Variants in HSF2BP observed in about 807,000 individuals in gnomAD.
The protein encoded by HSF2BP is heat shock factor 2-binding protein.
HSF2BP carries 35 observed loss-of-function variants against 35.0 expected under a neutral mutation model. The ratio of observed to expected loss-of-function variants is 1.00; its 90% CI spans 0.76 to 1.32. The LOEUF (loss-of-function observed/expected upper bound fraction) is 1.32, where lower values mean the gene tolerates loss of function less well. Among genes scored for constraint, HSF2BP ranks in the 40% most tolerant of loss-of-function variants. HSF2BP has a pLI of 0.00. For synonymous variants in HSF2BP, 114 were observed against 117.4 expected, an observed-to-expected ratio of 0.97 and a Z score of 0.18; for missense variants, 326 against 321.7, an observed-to-expected ratio of 1.01 and a Z score of -0.10.
intron 5 of HSF2BP, among the ~76,000 whole-genome samples, chr21:43,632,286 A>G (rs1474652137): frequency 1.8e-5 from 1 of 55,922 alleles, no homozygotes; most frequent in East Asian, 5.6e-4. Context: ...CCACACACAC[A>G]CACAGGCTCC....
At chr21:43,632,051 C>A (rs1197825541) in intron 5 of HSF2BP, among the ~76,000 whole-genome samples, 1 of 14,100 alleles carries the variant, frequency 7.1e-5, no homozygotes, top group African/African-American at 4.7e-4. Context: ...ACACACGCTC[C>A]CCCCCCACAC....
intron 7 of HSF2BP, among the ~76,000 whole-genome samples, chr21:43,605,254 C>A (rs2082118115): frequency 6.7e-6 from 1 of 150,074 alleles, no homozygotes; most frequent in East Asian, 2.0e-4. Flanking sequence ...ACACCACGCA[C>A]CCACATCACA....
rs2082909103 is a variant in HSF2BP, at chr21:43,658,291, C to G, written c.-195G>C. ...TTGGCGAGGTCCCTCTTTGGCTCTT[C>G]TGGCTTAGCCGGGGTTTTAAACTTG... On this transcript the variant is annotated 5_prime_UTR_variant, in exon 2 of 9. Coordinates refer to ENST00000291560, the MANE Select transcript of HSF2BP (RefSeq NM_007031.2). 1.6e-6 allele frequency: 1 copy of G among 608,332 alleles called. No homozygotes were observed. Among genetic ancestry groups the G allele is most frequent in the East Asian group, 3.2e-5 (1 of 31,536 alleles). 37.7% of individuals were successfully genotyped at this position (608,332 alleles called of 1,614,324 possible). A position where few individuals can be genotyped will look rare whatever the true frequency, so the allele number is the denominator to read the frequency against.
At chr21:43,500,161 C>T in the HSF2BP span, among the ~76,000 whole-genome samples, 10 of 20,136 alleles carry the variant, frequency 5.0e-4, 1 homozygote, top group African/African-American at 1.5e-3. Context: ...ACCACACACG[C>T]GCACACACAC....
intron 8 of HSF2BP, among the ~76,000 whole-genome samples, chr21:43,583,962 C>G (rs2081808356): frequency 9.8e-6 from 1 of 102,096 alleles, no homozygotes; most frequent in Non-Finnish European, 1.9e-5. Flanking sequence ...GAGATGAGGA[C>G]CTGCCGAAGG....
chr21:43,584,841 G>A (rs1035660134), intron 8 of HSF2BP, among the ~76,000 whole-genome samples: 3 of 152,240 alleles, frequency 2.0e-5, no homozygotes, highest in East Asian at 1.9e-4. Context: ...AGGTGGGACC[G>A]GGGCTTTGTC....
intron 7 of HSF2BP, among the ~76,000 whole-genome samples, chr21:43,603,274 C>T (rs974118540): frequency 5.9e-5 from 9 of 152,196 alleles, no homozygotes; most frequent in Non-Finnish European, 1.3e-4. Flanking sequence ...CAGGGCCCCC[C>T]GCAATCCCAA....
intron 8 of HSF2BP, among the ~76,000 whole-genome samples, chr21:43,591,931 C>T (rs1480742565): frequency 6.6e-6 from 1 of 152,070 alleles, no homozygotes; most frequent in African/African-American, 2.4e-5. Context: ...GCACTGTTGT[C>T]CAAGTAACCC....
chr21:43,587,629 C>T, intron 8 of HSF2BP, among the ~76,000 whole-genome samples: 1 of 137,410 alleles, frequency 7.3e-6, no homozygotes, highest in Non-Finnish European at 1.5e-5. Context: ...CACACCATTG[C>T]ACTCCAACCT....
intron 5 of HSF2BP, among the ~76,000 whole-genome samples, chr21:43,632,973 G>C (rs547590797): frequency 5.3e-5 from 8 of 152,174 alleles, no homozygotes; most frequent in Admixed American, 2.6e-4. Flanking sequence ...TATTAACCAT[G>C]AGATAATATA....
intron 3 of HSF2BP, among the ~76,000 whole-genome samples, chr21:43,649,043 A>G (rs1276456697): frequency 6.6e-6 from 1 of 152,012 alleles, no homozygotes; most frequent in East Asian, 1.9e-4. Context: ...TTTGCTCATC[A>G]TTCATTTATT....
At chr21:43,653,292 G>A (rs983537678) in intron 3 of HSF2BP, among the ~76,000 whole-genome samples, 3 of 151,234 alleles carry the variant, frequency 2.0e-5, no homozygotes, top group Admixed American at 1.3e-4. Flanking sequence ...GAGAGAGAGA[G>A]AAAGAAAGAA....
chr21:43,653,044 A>G (rs2082811709), intron 3 of HSF2BP, among the ~76,000 whole-genome samples: 1 of 152,022 alleles, frequency 6.6e-6, no homozygotes, highest in African/African-American at 2.4e-5. Context: ...CTGAGGCAAG[A>G]GAATCGCTTG....
At chr21:43,505,867 T>C in the HSF2BP span, among the ~76,000 whole-genome samples, 3 of 132,066 alleles carry the variant, frequency 2.3e-5, 1 homozygote, top group Admixed American at 1.5e-4. Flanking sequence ...GTTTCTCCAT[T>C]GGGTTGTAGG....
At chr21:43,656,207 T>C (rs2082865765) in intron 3 of HSF2BP, among the ~76,000 whole-genome samples, 1 of 152,232 alleles carries the variant, frequency 6.6e-6, no homozygotes. Context: ...GTGAACACAC[T>C]TCCAGCTATC....
chr21:43,611,385 C>T (rs369674983), intron 7 of HSF2BP, among the ~76,000 whole-genome samples: 1 of 152,308 alleles, frequency 6.6e-6, no homozygotes, highest in African/African-American at 2.4e-5. Flanking sequence ...CCTCCAGTCT[C>T]GCTTCCACTG....
Position 43,656,705 on chromosome 21 carries a change from G to A in HSF2BP, c.69C>T (p.Val23=). The change falls in exon 3 of 9, where the codon GTC becomes GTT. Residue 23 remains valine, a synonymous_variant. Transcript: ENST00000291560. ...HMGTKEEFVK[V]RKKDLERLTT... ...TCAGCCGTTCCAGATCCTTCTTTCT[G>A]ACTTTAACAAATTCCTCTTTAGTTC... 6.2e-7 allele frequency: 1 copy of A among 1,613,666 alleles called. No homozygotes were observed. The highest frequency in any genetic ancestry group is 1.1e-5 in the South Asian group (1 of 90,986).
At chr21:43,614,995 C>A (rs1225763566) in intron 6 of HSF2BP, among the ~76,000 whole-genome samples, 1 of 152,216 alleles carries the variant, frequency 6.6e-6, no homozygotes. Flanking sequence ...CCCTGCGAAT[C>A]GGCCTGAAGA....
intron 8 of HSF2BP, among the ~76,000 whole-genome samples, chr21:43,574,354 T>C (rs908133488): frequency 2.6e-5 from 4 of 151,712 alleles, no homozygotes; most frequent in Admixed American, 2.0e-4. Context: ...TCAGCCCTTT[T>C]TCTTTTTCTC....
Sources: allele counts gnomAD v4.1 joint callset (sites outside exome capture counted in the v4.1 genomes callset), GRCh38; gene constraint gnomAD v4.1.1; transcripts MANE v1.5; gene names NCBI Gene and HGNC (gene_info 2026-07-23, HGNC 2026-07-21).